Variants in FAT3 observed in about 807,000 individuals in gnomAD.
FAT3 encodes the protein protocadherin Fat 3.
Under a neutral mutation model 310.2 loss-of-function variants are expected in FAT3, and 95 were observed. The observed-to-expected ratio is 0.31, with a 90% confidence interval of 0.26 to 0.36. The LOEUF is 0.36. Ranked by LOEUF, FAT3 falls within the 10% of genes least tolerant of loss-of-function variation. The pLI, the probability that FAT3 is intolerant of heterozygous loss-of-function variation, is 1.00. For missense variants in FAT3, 5,408 were observed against 5,715.6 expected, an observed-to-expected ratio of 0.95 and a Z score of 1.74; for synonymous variants, 2,314 against 2,192.9, an observed-to-expected ratio of 1.06 and a Z score of -1.54.
chr11:92,477,808 T>C (rs537924526), intron 2 of FAT3, among the ~76,000 whole-genome samples: 1 of 152,358 alleles, frequency 6.6e-6, no homozygotes, highest in South Asian at 2.1e-4. Flanking sequence ...CAAGACCAGT[T>C]AGACAGCTCA....
In FAT3 at chr11:92,372,467, A is replaced by G. The variant is rs574037365; in HGVS notation, c.3292+17063A>G. On this transcript the variant is annotated intron_variant, in intron 2 of 27. Transcript: ENST00000525166. ...ATAGAAAATTAAAAAAACAAAACAA[A>G]GCCCATAAAATTATGATGACCATCT... 1.1e-4 allele frequency among the ~76,000 whole-genome samples: 16 copies of G among 151,932 alleles called. No homozygotes were observed. In the South Asian group the frequency reaches 2.1e-3, roughly 20 times the overall value.
chr11:92,353,640 AG>A lies in FAT3; in HGVS notation c.1529del (p.Ser510IlefsTer5). 6.2e-7 allele frequency: 1 copy of A among 1,613,910 alleles called. No individual in the cohort carries two copies. Among genetic ancestry groups the A allele is most frequent in the Non-Finnish European group, 8.5e-7 (1 of 1,179,870 alleles). On this transcript the variant is annotated frameshift_variant, in exon 2 of 28. Transcript: ENST00000525166. LOFTEE classifies it high-confidence loss of function. ...AGGAGAAAATGGGTACATCACCTATAGTATCGCTAGCCTGAATTTGTTACCA... is the reference window on the plus strand; with the variant it reads ...AGGAGAAAATGGGTACATCACCTATATATCGCTAGCCTGAATTTGTTACCA... Reference protein sequence around the residue: ...DKGENGYITYSIASLNLLPFV... With the variant: ...DKGENGYITYXIASLNLLPFV...
At chr11:92,323,414 A>C (rs1405272662) in intron 1 of FAT3, among the ~76,000 whole-genome samples, 1 of 151,858 alleles carries the variant, frequency 6.6e-6, no homozygotes, top group African/African-American at 2.4e-5. Context: ...TGCCTGGATA[A>C]TTTTTTAATT....
intron 1 of FAT3, among the ~76,000 whole-genome samples, chr11:92,278,194 A>G (rs1209805552): frequency 1.3e-5 from 2 of 152,166 alleles, no homozygotes; most frequent in Non-Finnish European, 2.9e-5. Context: ...ATAGTTATGT[A>G]TTTTATGTTA....
intron 3 of FAT3, among the ~76,000 whole-genome samples, chr11:92,635,924 A>C (rs181824676): frequency 2.6e-5 from 4 of 152,130 alleles, no homozygotes; most frequent in African/African-American, 9.7e-5. Flanking sequence ...AGATGTAAGC[A>C]GTTCCTACAA....
At chr11:92,321,581 G>GAGAAAAAA (rs947955290) in intron 1 of FAT3, among the ~76,000 whole-genome samples, 1 of 151,844 alleles carries the variant, frequency 6.6e-6, no homozygotes, top group African/African-American at 2.4e-5. Context: ...TCACTTTCCT[G>GAGAAAAAA]AGAAAAAAAG....
intron 1 of FAT3, among the ~76,000 whole-genome samples, chr11:92,291,196 T>C (rs1946683648): frequency 6.6e-6 from 1 of 152,088 alleles, no homozygotes; most frequent in East Asian, 2.0e-4. Context: ...TTATGTAACT[T>C]GTCCAGTACA....
chr11:92,407,925 A>T (rs1462068528), intron 2 of FAT3: 1 of 152,222 alleles, frequency 6.6e-6, no homozygotes, highest in East Asian at 1.9e-4. Flanking sequence ...GCAGAAATTG[A>T]TGGGGAATGA....
chr11:92,740,583 T>TA (rs906851808), intron 4 of FAT3, among the ~76,000 whole-genome samples: 1 of 152,074 alleles, frequency 6.6e-6, no homozygotes, highest in African/African-American at 2.4e-5. Flanking sequence ...TTTTAGGCTT[T>TA]AAAAAAAATT....
At chr11:92,418,309 T>A (rs1591261488) in intron 2 of FAT3, among the ~76,000 whole-genome samples, 1 of 152,126 alleles carries the variant, frequency 6.6e-6, no homozygotes, top group African/African-American at 2.4e-5. Context: ...AATGGTCCCC[T>A]TAGACCTTAA....
At chr11:92,629,748 T>C (rs1453763250) in intron 3 of FAT3, among the ~76,000 whole-genome samples, 1 of 152,144 alleles carries the variant, frequency 6.6e-6, no homozygotes, top group Non-Finnish European at 1.5e-5. Flanking sequence ...TAAATATGCC[T>C]GTCTCTCCTA....
At chr11:92,414,338 G>C (rs1490749086) in intron 2 of FAT3, among the ~76,000 whole-genome samples, 1 of 152,126 alleles carries the variant, frequency 6.6e-6, no homozygotes, top group East Asian at 1.9e-4. Flanking sequence ...TTGACAGTTT[G>C]ATGCTTAAAA....
At position 92,557,075 on chromosome 11, in the gene FAT3, T is replaced by C. The variant is rs145575998; in HGVS notation, c.3607+32127T>C. ...AACCCATTTTTCATAGTTTTCATCT[T>C]TCTTTCGCTATCTATTGCATTCTTC... On this transcript the variant is annotated intron_variant, in intron 3 of 27. Coordinates refer to ENST00000525166, the MANE Select transcript of FAT3 (RefSeq NM_001367949.2). 3.5e-4 allele frequency among the ~76,000 whole-genome samples: 53 copies of C among 152,162 alleles called. No homozygotes were observed. The East Asian group carries it at 9.9e-3, about 28-fold the overall frequency.
rs373693900 is a variant in FAT3 at position 92,795,865 on chromosome 11, A to G, written c.4823-1971A>G. Among the ~76,000 whole-genome samples the G allele has an allele frequency of 5.9e-5, 9 of 152,190 alleles. No individual in the cohort carries two copies. In the South Asian group the frequency reaches 1.7e-3, roughly 28 times the overall value. The stretch of plus-strand genomic sequence containing the variant: ...AGAGGTTGCAGTGAGCCAAGATTGC[A>G]CCACTGCACTCCAGCCTGGATGACA... On this transcript the variant is annotated intron_variant, in intron 9 of 27. Transcript: ENST00000525166.
intron 2 of FAT3, among the ~76,000 whole-genome samples, chr11:92,411,617 T>C (rs898887534): frequency 6.6e-6 from 1 of 152,106 alleles, no homozygotes; most frequent in African/African-American, 2.4e-5. Flanking sequence ...CCAGGGATTC[T>C]CAGAGGAGGT....
intron 2 of FAT3, among the ~76,000 whole-genome samples, chr11:92,406,036 G>A (rs1950129407): frequency 1.3e-5 from 2 of 152,252 alleles, no homozygotes; most frequent in East Asian, 1.9e-4. Flanking sequence ...AATGTGTCTT[G>A]TTATTGTAAA....
intron 13 of FAT3, among the ~76,000 whole-genome samples, chr11:92,819,297 G>T (rs1565623278): frequency 6.6e-6 from 1 of 152,156 alleles, no homozygotes; most frequent in African/African-American, 2.4e-5. Context: ...TGTGGAAAAT[G>T]CAATTTCTGA....
At chr11:92,633,975 C>T (rs1036359209) in intron 3 of FAT3, among the ~76,000 whole-genome samples, 1 of 152,260 alleles carries the variant, frequency 6.6e-6, no homozygotes, top group Middle Eastern at 3.4e-3. Flanking sequence ...GTTCCAAGCA[C>T]AGACTGATAC....
At chr11:92,769,062 T>G (rs1946393695) in intron 6 of FAT3, among the ~76,000 whole-genome samples, 1 of 152,188 alleles carries the variant, frequency 6.6e-6, no homozygotes, top group African/African-American at 2.4e-5. Context: ...CTGCATTTCT[T>G]TGTCTCCCAC....
Sources: allele counts gnomAD v4.1 joint callset (sites outside exome capture counted in the v4.1 genomes callset), GRCh38; gene constraint gnomAD v4.1.1; transcripts MANE v1.5; gene names NCBI Gene and HGNC (gene_info 2026-07-23, HGNC 2026-07-21).